The following PDZRN3 variants were observed in gnomAD, a reference collection of about 807,000 sequenced individuals.
PDZRN3 encodes the protein PDZ domain containing ring finger 3.
A neutral mutation model predicts 85.7 loss-of-function variants in PDZRN3; 38 were observed. That is an observed-to-expected ratio of 0.44 (90% CI 0.34 to 0.58). The LOEUF is 0.58. Among genes scored for constraint, PDZRN3 ranks in the 20% least tolerant of loss-of-function variants. The pLI is 0.01. For synonymous variants in PDZRN3, 759 were observed against 638.0 expected, an observed-to-expected ratio of 1.19 and a Z score of -2.86; for missense variants, 1,629 against 1,506.4, an observed-to-expected ratio of 1.08 and a Z score of -1.35.
chr3:73,422,350 C>A (rs1236823075), intron 3 of PDZRN3, among the ~76,000 whole-genome samples: 1 of 152,178 alleles, frequency 6.6e-6, no homozygotes, highest in Non-Finnish European at 1.5e-5. Context: ...TCAGCTGTCT[C>A]ATCTGTGAAA....
chr3:73,497,359 C>G (rs969651299), intron 3 of PDZRN3, among the ~76,000 whole-genome samples: 1 of 152,138 alleles, frequency 6.6e-6, no homozygotes, highest in African/African-American at 2.4e-5. Context: ...GCCATGAAAA[C>G]TCATCTTTAA....
chr3:73,428,455 T>C (rs1457175693), intron 3 of PDZRN3, among the ~76,000 whole-genome samples: 1 of 152,202 alleles, frequency 6.6e-6, no homozygotes, highest in African/African-American at 2.4e-5. Flanking sequence ...CAACCAACCA[T>C]GTGCTGAGAG....
rs1323522970 is a variant in PDZRN3 at position 73,563,004 on chromosome 3, TA to T, written c.918+39349del. 4.9e-3 allele frequency among the ~76,000 whole-genome samples: 191 copies of T among 38,740 alleles called. 4 individuals are homozygous for T. Among genetic ancestry groups the T allele is most frequent in the African/African-American group, 0.02 (176 of 9,004 alleles). 25.4% of individuals were successfully genotyped at this position (38,740 alleles called of 152,430 possible). On this transcript the variant is annotated intron_variant, in intron 3 of 9. Coordinates refer to ENST00000263666, the MANE Select transcript of PDZRN3 (RefSeq NM_015009.3). ...CAAATTATATATATATATATATATA[TA>T]TATATATATTTTTTTTTTTTTTTTT...
chr3:73,462,368 C>T (rs767562813), intron 3 of PDZRN3, among the ~76,000 whole-genome samples: 1 of 151,770 alleles, frequency 6.6e-6, no homozygotes, highest in Non-Finnish European at 1.5e-5. Flanking sequence ...ACGGTGAAAC[C>T]CTGTCTGTAC....
chr3:73,550,296 C>T (rs1402439774), intron 3 of PDZRN3, among the ~76,000 whole-genome samples: 12 of 152,148 alleles, frequency 7.9e-5, no homozygotes, highest in African/African-American at 2.9e-4. Flanking sequence ...GGCCCAGTGG[C>T]CTGCGTTTTA....
At chr3:73,385,559 C>T in intron 9 of PDZRN3, 110 bp downstream of exon 9, 1 of 687,394 alleles carries the variant, frequency 1.5e-6, no homozygotes, top group East Asian at 2.6e-5. Context: ...TGCTGCCTTC[C>T]AGGTGGATGG....
chr3:73,563,003 ATATATATATATTT>A (rs1184353453), intron 3 of PDZRN3, among the ~76,000 whole-genome samples: 12 of 37,126 alleles, frequency 3.2e-4, no homozygotes, highest in African/African-American at 8.9e-4. Flanking sequence ...ATATATATAT[ATATATATATATTT>A]TTTTTTTTTT....
chr3:73,528,667 A>C (rs1273446064), intron 3 of PDZRN3, among the ~76,000 whole-genome samples: 2 of 152,190 alleles, frequency 1.3e-5, no homozygotes, highest in Non-Finnish European at 2.9e-5. Flanking sequence ...AATATAATAG[A>C]GCCATGTTGT....
intron 1 of PDZRN3, among the ~76,000 whole-genome samples, chr3:73,617,299 C>T (rs1381994879): frequency 6.6e-6 from 1 of 152,146 alleles, no homozygotes. Flanking sequence ...CTGCTCAGGT[C>T]CATCTGGTAG....
intron 3 of PDZRN3, among the ~76,000 whole-genome samples, chr3:73,585,530 C>T (rs1452276893): frequency 6.6e-6 from 1 of 152,062 alleles, no homozygotes; most frequent in Admixed American, 6.6e-5. Context: ...TGCTTAATGC[C>T]CTCATTTGCA....
At chr3:73,558,535 C>G (rs1410884925) in intron 3 of PDZRN3, among the ~76,000 whole-genome samples, 1 of 152,210 alleles carries the variant, frequency 6.6e-6, no homozygotes, top group South Asian at 2.1e-4. Context: ...CAGCAAGAGA[C>G]ACAGCCACTC....
chr3:73,505,741 T>C (rs1033436943), intron 3 of PDZRN3, among the ~76,000 whole-genome samples: 4 of 152,182 alleles, frequency 2.6e-5, no homozygotes, highest in Admixed American at 1.3e-4. Context: ...CATCAGTTTA[T>C]AGGTGATTTG....
rs747868690 is a variant in PDZRN3, at chr3:73,382,591, C to T, written c.*774G>A. 5 of 152,644 alleles carry T rather than the reference C, an allele frequency of 3.3e-5. No individual in the cohort carries two copies. The highest frequency in any genetic ancestry group is 5.9e-5 in the Non-Finnish European group (4 of 68,046). 9.5% of individuals were successfully genotyped at this position (152,644 alleles called of 1,614,324 possible). A position where few individuals can be genotyped will look rare whatever the true frequency, so the allele number is the denominator to read the frequency against. ...CCTGTATAAGTCTGTACCTTCAAAT[C>T]TACAAAGCAAAAGTTTACTACAATG... On this transcript the variant is annotated 3_prime_UTR_variant, in exon 10 of 10. Coordinates refer to ENST00000263666, the MANE Select transcript of PDZRN3 (RefSeq NM_015009.3).
chr3:73,546,273 C>A (rs190895887), intron 3 of PDZRN3, among the ~76,000 whole-genome samples: 1 of 152,294 alleles, frequency 6.6e-6, no homozygotes, highest in Non-Finnish European at 1.5e-5. Flanking sequence ...TGTAGTGCCT[C>A]ATTATCTGTA....
chr3:73,586,725 T>A (rs1702283567), intron 3 of PDZRN3, among the ~76,000 whole-genome samples: 2 of 152,046 alleles, frequency 1.3e-5, no homozygotes, highest in African/African-American at 4.8e-5. Flanking sequence ...ACACAAAGCA[T>A]CCCCATCAAA....
rs150446962 is a variant in PDZRN3, at chr3:73,408,720, C to T, written c.919-4325G>A. ...CAAGGCGGGAGTTTACTATCCTAGA[C>T]GATCCATTTTTGCAGCCAAATTTGT... is the stretch of plus-strand genomic sequence containing the variant. On this transcript the variant is annotated intron_variant, in intron 3 of 9. Coordinates refer to ENST00000263666, the MANE Select transcript of PDZRN3 (RefSeq NM_015009.3). Among the ~76,000 whole-genome samples, 92 of 152,162 alleles carry T rather than the reference C, an allele frequency of 6.0e-4. 1 individual carries two copies. Among genetic ancestry groups the T allele is most frequent in the Admixed American group, 4.9e-3 (75 of 15,276 alleles).
At chr3:73,545,527 G>T (rs1394451765) in intron 3 of PDZRN3, among the ~76,000 whole-genome samples, 2 of 152,156 alleles carry the variant, frequency 1.3e-5, no homozygotes, top group Non-Finnish European at 2.9e-5. Flanking sequence ...GCAATTCTGG[G>T]TATGTTTACT....
intron 5 of PDZRN3, among the ~76,000 whole-genome samples, chr3:73,397,853 C>CA (rs1459182615): frequency 6.6e-6 from 1 of 151,988 alleles, no homozygotes; most frequent in Admixed American, 6.5e-5. Flanking sequence ...GCTATGGACT[C>CA]AGAGTACTCT....
chr3:73,623,008 T>G (rs1459073297), intron 1 of PDZRN3, among the ~76,000 whole-genome samples: 1 of 150,890 alleles, frequency 6.6e-6, no homozygotes, highest in East Asian at 1.9e-4. Context: ...TGAGCCTCAG[T>G]TTTTTCATCT....
Sources: allele counts gnomAD v4.1 joint callset (sites outside exome capture counted in the v4.1 genomes callset), GRCh38; gene constraint gnomAD v4.1.1; transcripts MANE v1.5; gene names NCBI Gene and HGNC (gene_info 2026-07-23, HGNC 2026-07-21).